The following XKR6 variants were observed in gnomAD, a reference collection of about 807,000 sequenced individuals.
XKR6 encodes the protein XK-related protein 6.
A neutral mutation model predicts 56.7 loss-of-function variants in XKR6; 22 were observed. That is an observed-to-expected ratio of 0.39 (90% CI 0.28 to 0.55). XKR6 has a LOEUF of 0.55. XKR6 is among the 20% of genes least tolerant of loss of function. XKR6 has a pLI of 0.66. For synonymous variants in XKR6, 524 were observed against 387.8 expected (o/e 1.35, Z -4.13); for missense variants, 852 against 889.0 (o/e 0.96, Z 0.53).
chr8:11,061,797 G>C (rs1295383995), intron 1 of XKR6, among the ~76,000 whole-genome samples: 1 of 152,156 alleles, frequency 6.6e-6, no homozygotes, highest in African/African-American at 2.4e-5. Flanking sequence ...AAGGGGGCTG[G>C]GCTGAAGAAG....
intron 1 of XKR6, among the ~76,000 whole-genome samples, chr8:11,096,881 A>G (rs7823610): frequency 0.32 from 48,509 of 152,188 alleles, 8,168 homozygotes; most frequent in African/African-American, 0.36. Flanking sequence ...CCCAAACACC[A>G]AATGAAAATC....
At chr8:11,105,130 G>C (rs895113052) in intron 1 of XKR6, 1 of 152,264 alleles carries the variant, frequency 6.6e-6, no homozygotes, top group South Asian at 2.1e-4. Context: ...AAAGCAAATA[G>C]GTCCTCTAGG....
At chr8:11,067,896 T>A (rs1363647439) in intron 1 of XKR6, among the ~76,000 whole-genome samples, 1 of 152,270 alleles carries the variant, frequency 6.6e-6, no homozygotes, top group African/African-American at 2.4e-5. Context: ...TCCCCATGAC[T>A]GCAGCCGCGC....
At chr8:10,908,349 A>T (rs1800242160) in intron 2 of XKR6, among the ~76,000 whole-genome samples, 1 of 151,584 alleles carries the variant, frequency 6.6e-6, no homozygotes, top group African/African-American at 2.4e-5. Context: ...CAGTCCTTAG[A>T]AGGGCCGGCA....
intron 1 of XKR6, among the ~76,000 whole-genome samples, chr8:11,191,312 C>G (rs892088901): frequency 1.3e-5 from 2 of 152,148 alleles, no homozygotes; most frequent in Non-Finnish European, 2.9e-5. Flanking sequence ...CCAAAAGACA[C>G]TAAAACCATA....
At chr8:10,899,978 C>T (rs10088975) in intron 2 of XKR6, among the ~76,000 whole-genome samples, 2,081 of 152,266 alleles carry the variant, frequency 0.014, 53 homozygotes, top group African/African-American at 0.045. Flanking sequence ...ATACAATCTC[C>T]GTTTAAGCAA....
intron 1 of XKR6, among the ~76,000 whole-genome samples, chr8:10,926,175 C>A (rs571930814): frequency 6.6e-6 from 1 of 152,208 alleles, no homozygotes; most frequent in African/African-American, 2.4e-5. Context: ...CAAGAACACA[C>A]TCAGGGCTGC....
rs113648044 is a variant in XKR6 at position 11,088,509 on chromosome 8, C to T, written c.764+112067G>A. Among the ~76,000 whole-genome samples the T allele has an allele frequency of 1.3e-3, 193 of 152,254 alleles. 1 individual carries two copies. The Middle Eastern group carries it at 0.014, about 11-fold the overall frequency. On this transcript the variant is annotated intron_variant, in intron 1 of 2. Transcript: ENST00000416569. ...GAGGCAAAATCATACCTGAAGTACA[C>T]GCTGGAATCTAGGCTCTCAGTAAAT...
At chr8:11,173,636 G>A (rs1273448310) in intron 1 of XKR6, among the ~76,000 whole-genome samples, 1 of 152,046 alleles carries the variant, frequency 6.6e-6, no homozygotes, top group Non-Finnish European at 1.5e-5. Context: ...GCACAGCGTT[G>A]GGTGTCCTGT....
At chr8:11,051,327 C>T (rs566806337) in intron 1 of XKR6, among the ~76,000 whole-genome samples, 14 of 152,142 alleles carry the variant, frequency 9.2e-5, no homozygotes, top group Non-Finnish European at 1.6e-4. Flanking sequence ...GTCTCCCCCT[C>T]GGTACTTTCC....
chr8:11,111,781 G>C (rs1352599987), intron 1 of XKR6: 1 of 151,918 alleles, frequency 6.6e-6, no homozygotes, highest in Non-Finnish European at 1.5e-5. Flanking sequence ...CATCTAGTAA[G>C]TTACTAGATA....
chr8:11,091,194 G>C (rs1798057113), intron 1 of XKR6, among the ~76,000 whole-genome samples: 1 of 152,198 alleles, frequency 6.6e-6, no homozygotes, highest in Non-Finnish European at 1.5e-5. Flanking sequence ...ACTTGGGAGA[G>C]ACAAGGTGGG....
Position 11,169,727 on chromosome 8 carries a change from C to T in XKR6, c.764+30849G>A, listed in dbSNP as rs185547199. On this transcript the variant is annotated intron_variant, in intron 1 of 2. Coordinates refer to ENST00000416569, the MANE Select transcript of XKR6 (RefSeq NM_173683.4). Reference sequence around the variant, plus strand: ...GGACAGTGGTGATAATTGCACAACACTGTGAATCTACCTCATGCCAGTGAA... The same window carrying T: ...GGACAGTGGTGATAATTGCACAACATTGTGAATCTACCTCATGCCAGTGAA... 3.3e-5 allele frequency among the ~76,000 whole-genome samples: 5 copies of T among 152,290 alleles called. No individual in the cohort carries two copies. In the East Asian group the frequency reaches 9.7e-4, roughly 29 times the overall value.
At chr8:10,927,642 C>G (rs750240684) in intron 1 of XKR6, among the ~76,000 whole-genome samples, 6 of 152,186 alleles carry the variant, frequency 3.9e-5, no homozygotes, top group Non-Finnish European at 8.8e-5. Context: ...GCCACATTCT[C>G]CCAAAGCCAC....
chr8:10,896,731 T>A lies in XKR6; in HGVS notation c.*1221A>T, dbSNP rs1012567483. The A allele has an allele frequency of 6.6e-6, 1 of 150,874 alleles. No individual in the cohort carries two copies. Among genetic ancestry groups the A allele is most frequent in the Non-Finnish European group, 1.5e-5 (1 of 67,756 alleles). The allele number at this position is 150,874 out of a possible 1,614,324, so 9.3% of individuals were successfully genotyped here. The stretch of plus-strand genomic sequence containing the variant: ...TTTTGACTTTTTATATATATGTATA[T>A]ATATATATATATTCTAGTTTTCCTC... On this transcript the variant is annotated 3_prime_UTR_variant, in exon 3 of 3. Coordinates refer to ENST00000416569, the MANE Select transcript of XKR6 (RefSeq NM_173683.4).
chr8:11,044,257 C>T (rs1191893694), intron 1 of XKR6, among the ~76,000 whole-genome samples: 4 of 152,148 alleles, frequency 2.6e-5, no homozygotes, highest in Non-Finnish European at 5.9e-5. Flanking sequence ...AGTCTCCAAC[C>T]AAAAATGAAC....
At chr8:11,078,079 G>C (rs1333747695) in intron 1 of XKR6, among the ~76,000 whole-genome samples, 1 of 152,146 alleles carries the variant, frequency 6.6e-6, no homozygotes, top group Non-Finnish European at 1.5e-5. Flanking sequence ...AAGCCCTCTG[G>C]GAAAACATAC....
chr8:10,904,898 C>A (rs574289105), intron 2 of XKR6, among the ~76,000 whole-genome samples: 3 of 152,306 alleles, frequency 2.0e-5, no homozygotes, highest in East Asian at 3.9e-4. Flanking sequence ...CCTGCCTCAC[C>A]CTCTCTCTGA....
intron 1 of XKR6, among the ~76,000 whole-genome samples, chr8:10,996,892 C>T (rs1383508084): frequency 6.6e-6 from 1 of 151,996 alleles, no homozygotes; most frequent in Non-Finnish European, 1.5e-5. Flanking sequence ...GGCTTTGAGC[C>T]CAGGAGTCTA....
Sources: gnomAD v4.1 joint callset for allele counts (sites outside exome capture counted in the v4.1 genomes callset) on GRCh38, gnomAD v4.1.1 for gene constraint, MANE v1.5 for transcripts, NCBI Gene and HGNC (gene_info 2026-07-23, HGNC 2026-07-21) for gene names.